The following RBFOX1 variants were observed in gnomAD, a reference collection of about 807,000 sequenced individuals.
RBFOX1 encodes RNA binding fox-1 homolog 1, also known as RNA binding protein fox-1 homolog 1.
RBFOX1 carries 8 observed loss-of-function variants against 57.7 expected under a neutral mutation model. The ratio of observed to expected loss-of-function variants is 0.14; its 90% CI spans 0.08 to 0.25. The LOEUF (loss-of-function observed/expected upper bound fraction) is 0.25. RBFOX1 is among the 10% of genes least tolerant of loss of function. The pLI is 1.00. For synonymous variants in RBFOX1, 326 were observed against 222.4 expected (o/e 1.47, Z -4.15); for missense variants, 611 against 548.5 (o/e 1.11, Z -1.14).
chr16:6,200,629 G>A (rs753854157), intron 1 of RBFOX1, among the ~76,000 whole-genome samples: 37 of 152,272 alleles, frequency 2.4e-4, no homozygotes, highest in Non-Finnish European at 4.9e-4. Context: ...TTTTACACAC[G>A]TTAAATGATT....
At chr16:6,956,453 G>C (rs775398147) in intron 3 of RBFOX1, among the ~76,000 whole-genome samples, 2 of 152,164 alleles carry the variant, frequency 1.3e-5, no homozygotes, top group Non-Finnish European at 2.9e-5. Context: ...GCTACATGCT[G>C]GGCTTTGTCA....
At chr16:6,805,373 C>T (rs1266895817) in intron 3 of RBFOX1, among the ~76,000 whole-genome samples, 1 of 152,042 alleles carries the variant, frequency 6.6e-6, no homozygotes, top group Non-Finnish European at 1.5e-5. Flanking sequence ...GAACAGCAGA[C>T]TTTGGGGTCT....
intron 1 of RBFOX1, among the ~76,000 whole-genome samples, chr16:6,184,408 T>A (rs560864357): frequency 6.6e-6 from 1 of 152,132 alleles, no homozygotes; most frequent in East Asian, 1.9e-4. Flanking sequence ...GGGTGAGAAG[T>A]CGTGGTAAAT....
intron 3 of RBFOX1, among the ~76,000 whole-genome samples, chr16:5,715,779 G>A (rs1301363297): frequency 6.6e-6 from 1 of 152,212 alleles, no homozygotes; most frequent in Non-Finnish European, 1.5e-5. Flanking sequence ...GCGGCTGCGA[G>A]TAGGAGTACT....
At chr16:6,688,296 A>G (rs2059734989) in intron 3 of RBFOX1, among the ~76,000 whole-genome samples, 1 of 152,152 alleles carries the variant, frequency 6.6e-6, no homozygotes, top group South Asian at 2.1e-4. Flanking sequence ...ACTCAGTATC[A>G]TGAGACAGCA....
chr16:5,408,419 A>G (rs2066921446), intron 1 of RBFOX1, among the ~76,000 whole-genome samples: 2 of 152,174 alleles, frequency 1.3e-5, no homozygotes, highest in African/African-American at 4.8e-5. Flanking sequence ...CGCGGTATGA[A>G]TAGAGTCTGA....
chr16:7,379,881 C>G (rs1054311674), intron 4 of RBFOX1, among the ~76,000 whole-genome samples: 3 of 151,910 alleles, frequency 2.0e-5, no homozygotes, highest in Admixed American at 1.3e-4. Flanking sequence ...TAGATAGAGT[C>G]TTGCCTTTAT....
At chr16:7,218,246 T>A (rs140751834) in intron 4 of RBFOX1, among the ~76,000 whole-genome samples, 23 of 152,326 alleles carry the variant, frequency 1.5e-4, no homozygotes, top group African/African-American at 2.2e-4. Flanking sequence ...CCAAATCATC[T>A]GAAAATCACT....
intron 3 of RBFOX1, among the ~76,000 whole-genome samples, chr16:5,621,871 G>A (rs187238903): frequency 6.6e-6 from 1 of 152,264 alleles, no homozygotes. Context: ...TCAATGCTTA[G>A]GGGTAGTAGT....
chr16:6,851,853 G>C (rs1287769556), intron 3 of RBFOX1, among the ~76,000 whole-genome samples: 3 of 152,028 alleles, frequency 2.0e-5, no homozygotes, highest in Admixed American at 2.0e-4. Context: ...TTGCATTCTA[G>C]AACAGGGACA....
chr16:5,322,066 A>G (rs1055803627), intron 1 of RBFOX1, among the ~76,000 whole-genome samples: 1 of 152,096 alleles, frequency 6.6e-6, no homozygotes, highest in African/African-American at 2.4e-5. Context: ...AGCATGTTTC[A>G]CAAGGCCTCA....
chr16:5,894,186 C>A (rs141484117), intron 4 of RBFOX1, among the ~76,000 whole-genome samples: 1 of 152,108 alleles, frequency 6.6e-6, no homozygotes. Flanking sequence ...TTCCCTTTCA[C>A]ACCACTCTGT....
chr16:6,081,644 T>A (rs1407659832), intron 1 of RBFOX1, among the ~76,000 whole-genome samples: 1 of 152,176 alleles, frequency 6.6e-6, no homozygotes, highest in Non-Finnish European at 1.5e-5. Context: ...TAGCTTCATG[T>A]GAGGTTGGCT....
chr16:6,456,476 G>T (rs1420005796), intron 2 of RBFOX1, among the ~76,000 whole-genome samples: 1 of 152,168 alleles, frequency 6.6e-6, no homozygotes, highest in East Asian at 1.9e-4. Flanking sequence ...TGATTGGGAA[G>T]AGCCACAGTC....
rs555200942 is a variant in RBFOX1, at chr16:5,564,429, C to T, written c.259-34473C>T. On this transcript the variant is annotated intron_variant, in intron 2 of 2. Transcript: ENST00000585867. ...CCTCCCACTGAATTTGTCCTTCTACCGTCTTCTTGGATTATCTCTTTCTCT... is the reference window on the plus strand; with the variant it reads ...CCTCCCACTGAATTTGTCCTTCTACTGTCTTCTTGGATTATCTCTTTCTCT... Among the ~76,000 whole-genome samples, 5 of 152,226 alleles carry T rather than the reference C, an allele frequency of 3.3e-5. No individual in the cohort carries two copies. In the South Asian group the frequency reaches 1.0e-3, roughly 32 times the overall value.
chr16:5,511,844 A>G lies in RBFOX1; in HGVS notation c.258+44590A>G, dbSNP rs905960350. On this transcript the variant is annotated intron_variant, in intron 2 of 2. Coordinates refer to the RBFOX1 transcript ENST00000585867. ...CAGAGTAGGGGAGACCAGAAGGGTG[A>G]CTGAGTTGTCACTCCCCAGCAGAGT... 3.3e-5 allele frequency among the ~76,000 whole-genome samples: 5 copies of G among 152,320 alleles called. No homozygotes were observed. In the South Asian group the frequency reaches 1.0e-3, roughly 32 times the overall value.
intron 3 of RBFOX1, among the ~76,000 whole-genome samples, chr16:5,706,657 C>T (rs900008643): frequency 4.6e-5 from 7 of 152,128 alleles, no homozygotes; most frequent in East Asian, 1.9e-4. Flanking sequence ...AGGAAAATAA[C>T]GTTGCAATTC....
chr16:5,459,626 G>C (rs996549225), intron 1 of RBFOX1, among the ~76,000 whole-genome samples: 8 of 151,922 alleles, frequency 5.3e-5, no homozygotes, highest in African/African-American at 1.2e-4. Context: ...ATCTTTTTCA[G>C]TTTATTAATA....
At chr16:5,784,481 C>A (rs914404686) in intron 3 of RBFOX1, among the ~76,000 whole-genome samples, 13 of 152,044 alleles carry the variant, frequency 8.6e-5, no homozygotes, top group Admixed American at 6.5e-4. Flanking sequence ...GCAGGAGCAG[C>A]AGAGAGACGG....
Sources: gnomAD v4.1 joint callset for allele counts (sites outside exome capture counted in the v4.1 genomes callset) on GRCh38, gnomAD v4.1.1 for gene constraint, MANE v1.5 for transcripts, NCBI Gene and HGNC (gene_info 2026-07-23, HGNC 2026-07-21) for gene names.